PM20D2: variants seen among roughly 807,000 people sequenced by gnomAD.
PM20D2 encodes the protein peptidase M20 domain containing 2.
A neutral mutation model predicts 42.9 loss-of-function variants in PM20D2; 33 were observed. The ratio of observed to expected loss-of-function variants is 0.77; its 90% CI spans 0.58 to 1.03. The LOEUF is 1.03. Among genes scored for constraint, PM20D2 ranks in the 50% least tolerant of loss-of-function variants. PM20D2 has a pLI of 0.00. For missense variants in PM20D2, 548 were observed against 557.0 expected (o/e 0.98, Z 0.16); for synonymous variants, 250 against 228.2 (o/e 1.10, Z -0.86).
chr6:89,137,871 G>T, the PM20D2 span, among the ~76,000 whole-genome samples: 4 of 151,794 alleles, frequency 2.6e-5, no homozygotes, highest in Admixed American at 6.6e-5. Flanking sequence ...ATGTGGTATA[G>T]GTCTCTTCTA....
upstream of PM20D2, among the ~76,000 whole-genome samples, chr6:89,145,089 TG>T (rs1468059320): frequency 4.3e-4 from 65 of 152,224 alleles, no homozygotes; most frequent in African/African-American, 1.6e-3. Context: ...TAAGGAAAGA[TG>T]ATAGGGTATG....
intron 4 of PM20D2, among the ~76,000 whole-genome samples, chr6:89,157,925 T>C (rs537509444): frequency 3.3e-5 from 5 of 152,308 alleles, no homozygotes; most frequent in African/African-American, 9.6e-5. Flanking sequence ...GAGAATCATT[T>C]GAACCTGGGA....
chr6:89,158,184 G>A (rs1179569925), intron 4 of PM20D2, 141 bp from the exon 5 acceptor site: 1 of 711,214 alleles, frequency 1.4e-6, no homozygotes, highest in South Asian at 2.2e-5. Context: ...TTTAAGGTAA[G>A]AGATTTGAGA....
the PM20D2 span, among the ~76,000 whole-genome samples, chr6:89,119,847 A>G: frequency 2.6e-5 from 4 of 152,060 alleles, no homozygotes; most frequent in African/African-American, 4.8e-5. Flanking sequence ...GATGGAGTCT[A>G]TGTTGCCTAG....
chr6:89,104,223 C>CTTTTTTTTTTTTTT, the PM20D2 span, among the ~76,000 whole-genome samples: 1 of 123,564 alleles, frequency 8.1e-6, no homozygotes, highest in Non-Finnish European at 1.7e-5. Flanking sequence ...AACTCATCAC[C>CTTTTTTTTTTTTTT]TTTTTTTTTT....
chr6:89,124,739 T>TTTTTTTG, the PM20D2 span, among the ~76,000 whole-genome samples: 7 of 138,136 alleles, frequency 5.1e-5, no homozygotes, highest in Non-Finnish European at 9.4e-5. Context: ...TGTTGTTGTT[T>TTTTTTTG]TTTTTTTTTT....
chr6:89,161,663 A>G, intron 5 of PM20D2, 120 bp from the exon 6 acceptor site: 1 of 737,406 alleles, frequency 1.4e-6, no homozygotes, highest in Non-Finnish European at 2.4e-6. Context: ...GAGCATACGG[A>G]CAACTCTCCA....
chr6:89,142,392 C>CA (rs1485061831), upstream of PM20D2, among the ~76,000 whole-genome samples: 1 of 152,028 alleles, frequency 6.6e-6, no homozygotes, highest in African/African-American at 2.4e-5. Flanking sequence ...ACCAGTATAC[C>CA]AAAGTGACAC....
At chr6:89,100,427 G>A in the PM20D2 span, among the ~76,000 whole-genome samples, 1 of 152,134 alleles carries the variant, frequency 6.6e-6, no homozygotes, top group East Asian at 1.9e-4. Flanking sequence ...AAAGTGATCT[G>A]CCAGTACTCT....
chr6:89,118,580 G>A, the PM20D2 span, among the ~76,000 whole-genome samples: 2 of 152,214 alleles, frequency 1.3e-5, no homozygotes, highest in Admixed American at 1.3e-4. Flanking sequence ...GCCTTCCAAA[G>A]TGCTGGGATT....
At chr6:89,124,445 T>C in the PM20D2 span, among the ~76,000 whole-genome samples, 6 of 152,182 alleles carry the variant, frequency 3.9e-5, no homozygotes, top group African/African-American at 1.4e-4. Flanking sequence ...ATAATATTGT[T>C]TCATTAGTGC....
intron 5 of PM20D2, 84 bp downstream of exon 5, chr6:89,158,544 G>C: frequency 6.9e-7 from 1 of 1,446,302 alleles, no homozygotes; most frequent in Admixed American, 2.2e-5. Flanking sequence ...TTAATGGTTT[G>C]GGAGGTCGGG....
intron 1 of PM20D2, among the ~76,000 whole-genome samples, chr6:89,148,242 G>A (rs894464974): frequency 6.6e-6 from 1 of 152,002 alleles, no homozygotes; most frequent in Admixed American, 6.6e-5. Context: ...GCCTCCCACA[G>A]TGCTAGGATT....
At chr6:89,101,119 A>C in the PM20D2 span, among the ~76,000 whole-genome samples, 1 of 151,680 alleles carries the variant, frequency 6.6e-6, no homozygotes, top group Non-Finnish European at 1.5e-5. Context: ...CAAAAAAAAA[A>C]AAAAAAGAAA....
At chr6:89,099,470 GTATATA>G in the PM20D2 span, among the ~76,000 whole-genome samples, 1 of 137,782 alleles carries the variant, frequency 7.3e-6, no homozygotes, top group African/African-American at 3.1e-5. Flanking sequence ...ATATGTGTGT[GTATATA>G]TATATGTGTG....
the PM20D2 span, among the ~76,000 whole-genome samples, chr6:89,101,995 G>A: frequency 2.7e-5 from 4 of 150,832 alleles, no homozygotes; most frequent in East Asian, 1.9e-4. Flanking sequence ...GGTACTTCTC[G>A]GTGAGCTGAA....
At chr6:89,096,470 GT>G in the PM20D2 span, 1 of 152,190 alleles carries the variant, frequency 6.6e-6, no homozygotes, top group African/African-American at 2.4e-5. Flanking sequence ...GCTCAAAAGA[GT>G]TTGAGCTATT....
the PM20D2 span, among the ~76,000 whole-genome samples, chr6:89,116,672 T>A: frequency 6.6e-6 from 1 of 151,394 alleles, no homozygotes; most frequent in African/African-American, 2.4e-5. Context: ...CTACTTTGGA[T>A]GCTGAGGCAG....
At chr6:89,154,376 A>G (rs1770960484) in intron 3 of PM20D2, among the ~76,000 whole-genome samples, 1 of 152,318 alleles carries the variant, frequency 6.6e-6, no homozygotes, top group South Asian at 2.1e-4. Flanking sequence ...GGGTAATTAT[A>G]GAACCTCATA....
Sources: allele counts gnomAD v4.1 joint callset (sites outside exome capture counted in the v4.1 genomes callset), GRCh38; gene constraint gnomAD v4.1.1; transcripts MANE v1.5; gene names NCBI Gene and HGNC (gene_info 2026-07-23, HGNC 2026-07-21).